Variants in GNAI3 observed in about 807,000 individuals in gnomAD.
GNAI3 encodes the protein G protein subunit alpha i3.
Under a neutral mutation model 41.8 loss-of-function variants are expected in GNAI3, and 12 were observed. The ratio of observed to expected loss-of-function variants is 0.29; its 90% CI spans 0.18 to 0.47. The LOEUF is 0.47. Among genes scored for constraint, GNAI3 ranks in the 20% least tolerant of loss-of-function variants. The pLI is 1.00. For missense variants in GNAI3, 360 were observed against 429.6 expected, an observed-to-expected ratio of 0.84 and a Z score of 1.43; for synonymous variants, 132 against 146.5, an observed-to-expected ratio of 0.90 and a Z score of 0.71.
intron 1 of GNAI3, among the ~76,000 whole-genome samples, chr1:109,570,637 C>T (rs1323924471): frequency 1.3e-5 from 2 of 152,014 alleles, no homozygotes; most frequent in Admixed American, 6.6e-5. Flanking sequence ...TAACAGTAAA[C>T]GCAAAGACAG....
intron 1 of GNAI3, among the ~76,000 whole-genome samples, chr1:109,554,079 GGTGTGT>G (rs34209492): frequency 6.7e-6 from 1 of 150,176 alleles, no homozygotes; most frequent in African/African-American, 2.5e-5. Context: ...GGTGTAGAGG[GGTGTGT>G]GTGTGTGTGT....
chr1:109,595,965 G>A lies in GNAI3; in HGVS notation c.*3643G>A, dbSNP rs1649292405. 1 of 152,222 alleles carries A rather than the reference G, an allele frequency of 6.6e-6. No homozygotes were observed. Among genetic ancestry groups the A allele is most frequent in the South Asian group, 2.1e-4 (1 of 4,820 alleles). 9.4% of individuals were successfully genotyped at this position (152,222 alleles called of 1,614,324 possible). On this transcript the variant is annotated 3_prime_UTR_variant, in exon 9 of 9. Coordinates refer to ENST00000369851, the MANE Select transcript of GNAI3 (RefSeq NM_006496.4). ...ATTTTAAGAGCAATGATCTTAGTTT[G>A]CCAGTGCCAGGTAATTATTGTGTTC... is the stretch of plus-strand genomic sequence containing the variant.
intron 7 of GNAI3, among the ~76,000 whole-genome samples, chr1:109,587,796 TAAAG>T (rs1258063214): frequency 6.6e-6 from 1 of 152,066 alleles, no homozygotes; most frequent in East Asian, 1.9e-4. Flanking sequence ...CAATAAATAA[TAAAG>T]ATAGATAGTA....
intron 1 of GNAI3, among the ~76,000 whole-genome samples, chr1:109,555,964 G>A (rs1390319950): frequency 8.3e-5 from 3 of 36,202 alleles, no homozygotes; most frequent in Non-Finnish European, 1.5e-4. Flanking sequence ...GCGTGCGTGC[G>A]TGTGTGTGTG....
At chr1:109,563,023 C>T (rs574420742) in intron 1 of GNAI3, among the ~76,000 whole-genome samples, 8 of 152,226 alleles carry the variant, frequency 5.3e-5, no homozygotes, top group Non-Finnish European at 8.8e-5. Flanking sequence ...ATAAATACTA[C>T]GTAATTTAAT....
intron 3 of GNAI3, among the ~76,000 whole-genome samples, chr1:109,577,869 A>G (rs1648790523): frequency 6.6e-6 from 1 of 152,176 alleles, no homozygotes; most frequent in African/African-American, 2.4e-5. Context: ...GTGGTCTGAA[A>G]TGACTTTTGC....
At chr1:109,550,845 T>C (rs945388995) in intron 1 of GNAI3, among the ~76,000 whole-genome samples, 1 of 152,146 alleles carries the variant, frequency 6.6e-6, no homozygotes, top group African/African-American at 2.4e-5. Flanking sequence ...GCATTTTCTT[T>C]ATTGATCGAT....
intron 1 of GNAI3, among the ~76,000 whole-genome samples, chr1:109,564,266 TTTTA>T (rs1648392429): frequency 6.6e-6 from 1 of 152,108 alleles, no homozygotes; most frequent in African/African-American, 2.4e-5. Flanking sequence ...TCTGCCTTTA[TTTTA>T]TTTATTTATT....
rs1649229857 is a variant in GNAI3 at position 109,593,890 on chromosome 1, TG to T, written c.*1572del. 2 of 152,766 alleles carry T rather than the reference TG, an allele frequency of 1.3e-5. No individual in the cohort carries two copies. Among genetic ancestry groups the T allele is most frequent in the South Asian group, 4.1e-4 (2 of 4,830 alleles). 9.5% of individuals were successfully genotyped at this position (152,766 alleles called of 1,614,324 possible). ...AATCAGTAGTTTGGGCAGTGCCTTTTGGGGTCCAATCTTTTTGGATTGGATT... is the reference window on the plus strand; with the variant it reads ...AATCAGTAGTTTGGGCAGTGCCTTTTGGGTCCAATCTTTTTGGATTGGATT... On this transcript the variant is annotated 3_prime_UTR_variant, in exon 9 of 9. Transcript: ENST00000369851.
intron 1 of GNAI3, among the ~76,000 whole-genome samples, chr1:109,568,999 T>C (rs1337256390): frequency 6.6e-6 from 1 of 152,184 alleles, no homozygotes; most frequent in African/African-American, 2.4e-5. Context: ...TGTCCCCAGA[T>C]AGTTTTCTAA....
chr1:109,556,457 T>G (rs746302737), intron 1 of GNAI3, among the ~76,000 whole-genome samples: 7 of 152,234 alleles, frequency 4.6e-5, no homozygotes, highest in Non-Finnish European at 1.0e-4. Context: ...AAGAAAAAAC[T>G]GAAACATTGT....
At position 109,597,564 on chromosome 1, in the gene GNAI3, A is replaced by G. The variant is rs1649338872; in HGVS notation, c.*5242A>G. 6.6e-6 allele frequency: 1 copy of G among 152,082 alleles called. No homozygotes were observed. The highest frequency in any genetic ancestry group is 2.1e-4 in the South Asian group (1 of 4,820). 9.4% of individuals were successfully genotyped at this position (152,082 alleles called of 1,614,324 possible). A position where few individuals can be genotyped will look rare whatever the true frequency, so the allele number is the denominator to read the frequency against. Reference sequence around the variant, plus strand: ...GAGTGATCTATTTTTTGCCAATAAGAAGTACCATTTGTACATGACTTAAAG... The same window carrying G: ...GAGTGATCTATTTTTTGCCAATAAGGAGTACCATTTGTACATGACTTAAAG... On this transcript the variant is annotated 3_prime_UTR_variant, in exon 9 of 9. Transcript: ENST00000369851.
chr1:109,586,147 T>C, intron 5 of GNAI3, 69 bp from the exon 6 acceptor site: 2 of 1,391,116 alleles, frequency 1.4e-6, no homozygotes, highest in Non-Finnish European at 2.0e-6. Flanking sequence ...GGAAGTTTCC[T>C]AATCATTTCA....
intron 1 of GNAI3, among the ~76,000 whole-genome samples, chr1:109,565,724 T>C (rs1055175762): frequency 6.6e-6 from 1 of 152,166 alleles, no homozygotes; most frequent in Admixed American, 6.5e-5. Context: ...CTTTCAAGGA[T>C]TGGGCTTTGA....
chr1:109,586,179 T>C, intron 5 of GNAI3, 37 bp from the exon 6 acceptor site: 1 of 1,604,746 alleles, frequency 6.2e-7, no homozygotes, highest in Non-Finnish European at 8.5e-7. Flanking sequence ...GGTGTATGTG[T>C]GACCTTGCTG....
At chr1:109,555,971 T>TGCGTGC (rs60956139) in intron 1 of GNAI3, among the ~76,000 whole-genome samples, 2 of 127,608 alleles carry the variant, frequency 1.6e-5, no homozygotes, top group East Asian at 5.0e-4. Flanking sequence ...TGCGTGTGTG[T>TGCGTGC]GTGTGTGTGT....
intron 3 of GNAI3, among the ~76,000 whole-genome samples, chr1:109,574,578 A>T (rs1571156190): frequency 6.6e-6 from 1 of 152,284 alleles, no homozygotes; most frequent in East Asian, 1.9e-4. Flanking sequence ...AATGCCTTGC[A>T]CATGTCAGCT....
At position 109,573,153 on chromosome 1, in the gene GNAI3, C is replaced by T. The variant is rs190362131; in HGVS notation, c.119-584C>T. Among the ~76,000 whole-genome samples the T allele has an allele frequency of 3.0e-3, 458 of 152,116 alleles. 1 individual carries two copies. The highest frequency in any genetic ancestry group is 5.6e-3 in the Non-Finnish European group (381 of 67,990). On this transcript the variant is annotated intron_variant, in intron 1 of 8. Coordinates refer to ENST00000369851, the MANE Select transcript of GNAI3 (RefSeq NM_006496.4). ...TAGCAGGTGGATTTGTCAAGGAGGT[C>T]AGAAGGCTAGCTTGACATTTGTGGT...
chr1:109,582,586 C>T lies in GNAI3; in HGVS notation c.590+21C>T, dbSNP rs778242381. The T allele has an allele frequency of 1.5e-5, 24 of 1,570,208 alleles. 1 individual carries two copies. In the South Asian group the frequency reaches 2.6e-4, roughly 17 times the overall value. The stretch of plus-strand genomic sequence containing the variant: ...TTCAAGTAAGTCATTAGCCTTTTTG[C>T]TAGGTGTGCCAAATACAAGTATCTT... On this transcript the variant is annotated intron_variant, in intron 5 of 8. Coordinates refer to ENST00000369851, the MANE Select transcript of GNAI3 (RefSeq NM_006496.4).
Sources: gnomAD v4.1 joint callset for allele counts (sites outside exome capture counted in the v4.1 genomes callset) on GRCh38, gnomAD v4.1.1 for gene constraint, MANE v1.5 for transcripts, NCBI Gene and HGNC (gene_info 2026-07-23, HGNC 2026-07-21) for gene names.